The following CDH12 variants were observed in gnomAD, a reference collection of about 807,000 sequenced individuals.
The protein encoded by CDH12 is cadherin 12, also known as cadherin-12.
Under a neutral mutation model 74.1 loss-of-function variants are expected in CDH12, and 41 were observed. The ratio of observed to expected loss-of-function variants is 0.55; its 90% CI spans 0.43 to 0.72. The LOEUF (loss-of-function observed/expected upper bound fraction) is 0.72. Among genes scored for constraint, CDH12 ranks in the 30% least tolerant of loss-of-function variants. The pLI is 0.00. For synonymous variants in CDH12, 399 were observed against 355.0 expected (o/e 1.12, Z -1.39); for missense variants, 945 against 977.2 (o/e 0.97, Z 0.44).
rs1744085108 is a variant in CDH12 at position 21,751,801 on chromosome 5, C to T, written c.2321G>A (p.Arg774His). The T allele has an allele frequency of 2.5e-6, 4 of 1,613,844 alleles. No individual in the cohort carries two copies. Among genetic ancestry groups the T allele is most frequent in the East Asian group, 2.2e-5 (1 of 44,880 alleles). Residue 774 changes from arginine to histidine, a missense_variant, in exon 15 of 15, where the codon CGC becomes CAC. Transcript: ENST00000382254. Reference sequence around the variant, plus strand: ...AAACATGTCTGCCAAGACTTTAAAGCGGGGTCCCCAGTCTGTCAGATAGTC... The same window carrying T: ...AAACATGTCTGCCAAGACTTTAAAGTGGGGTCCCCAGTCTGTCAGATAGTC... Reference protein sequence around the residue: ...DYDYLTDWGPRFKVLADMFGE... With the variant: ...DYDYLTDWGPHFKVLADMFGE...
intron 4 of CDH12, among the ~76,000 whole-genome samples, chr5:22,140,917 A>G (rs867666111): frequency 1.3e-5 from 2 of 152,192 alleles, no homozygotes; most frequent in African/African-American, 4.8e-5. Flanking sequence ...GGTCCTTCAC[A>G]GAGCCAACTC....
intron 1 of CDH12, among the ~76,000 whole-genome samples, chr5:22,535,433 G>A (rs967368747): frequency 5.3e-5 from 8 of 152,132 alleles, no homozygotes; most frequent in African/African-American, 1.4e-4. Flanking sequence ...TGGGATTACA[G>A]GCGTGAGCCA....
At chr5:22,387,632 C>T (rs1051919282) in intron 3 of CDH12, among the ~76,000 whole-genome samples, 11 of 152,102 alleles carry the variant, frequency 7.2e-5, no homozygotes, top group African/African-American at 2.4e-4. Context: ...TAAAGTGGTA[C>T]CTGCCTCAGA....
chr5:22,034,452 C>T (rs917128832), intron 5 of CDH12, among the ~76,000 whole-genome samples: 1 of 152,126 alleles, frequency 6.6e-6, no homozygotes, highest in Non-Finnish European at 1.5e-5. Context: ...AAGGAAAAAA[C>T]ATATGATGCA....
At chr5:22,644,109 A>C (rs1191585368) in intron 1 of CDH12, among the ~76,000 whole-genome samples, 1 of 151,994 alleles carries the variant, frequency 6.6e-6, no homozygotes, top group Non-Finnish European at 1.5e-5. Context: ...AGCAATACTG[A>C]AATTGAGCCA....
At chr5:22,331,576 G>T (rs1011038438) in intron 3 of CDH12, among the ~76,000 whole-genome samples, 2 of 152,110 alleles carry the variant, frequency 1.3e-5, no homozygotes, top group Non-Finnish European at 2.9e-5. Flanking sequence ...GCACAAATAA[G>T]CCCAGGATGT....
chr5:22,447,985 T>TACAAA (rs1554041415), intron 2 of CDH12, among the ~76,000 whole-genome samples: 1 of 84,496 alleles, frequency 1.2e-5, no homozygotes, highest in Non-Finnish European at 2.1e-5. Context: ...TACAAGAAAT[T>TACAAA]AAAAAAAAAA....
intron 3 of CDH12, among the ~76,000 whole-genome samples, chr5:22,282,154 C>A (rs1210954248): frequency 4.0e-5 from 6 of 150,766 alleles, no homozygotes; most frequent in Admixed American, 1.3e-4. Context: ...GGAAAGGATT[C>A]TTTAATAAAT....
At chr5:22,748,045 AC>A (rs1412424851) in intron 1 of CDH12, among the ~76,000 whole-genome samples, 2 of 152,232 alleles carry the variant, frequency 1.3e-5, no homozygotes, top group Non-Finnish European at 2.9e-5. Context: ...GATGTTTGCC[AC>A]TGAGATGGCT....
intron 1 of CDH12, among the ~76,000 whole-genome samples, chr5:22,840,543 G>T (rs2126521090): frequency 6.7e-6 from 1 of 150,004 alleles, no homozygotes; most frequent in Admixed American, 6.7e-5. Flanking sequence ...AATATGCTAT[G>T]TTATTATATA....
chr5:22,638,427 C>A (rs1053530075), intron 1 of CDH12, among the ~76,000 whole-genome samples: 1 of 152,090 alleles, frequency 6.6e-6, no homozygotes, highest in Non-Finnish European at 1.5e-5. Context: ...GCATCCAGCA[C>A]GGGAGAAAGA....
intron 1 of CDH12, among the ~76,000 whole-genome samples, chr5:22,705,220 T>A (rs997250441): frequency 6.6e-6 from 1 of 150,692 alleles, no homozygotes; most frequent in African/African-American, 2.4e-5. Context: ...GTAACTTACA[T>A]TTCCTCAAAA....
intron 1 of CDH12, among the ~76,000 whole-genome samples, chr5:22,706,473 G>T (rs950031919): frequency 1.3e-5 from 2 of 151,330 alleles, no homozygotes; most frequent in African/African-American, 2.4e-5. Context: ...TGAATGTTTT[G>T]GTATGTTACA....
chr5:22,232,906 T>A (rs1234044852), intron 3 of CDH12, among the ~76,000 whole-genome samples: 2 of 148,924 alleles, frequency 1.3e-5, no homozygotes, highest in East Asian at 1.9e-4. Context: ...CTATATATAT[T>A]TTTTCTCTCT....
At chr5:22,116,621 A>C (rs1264260580) in intron 4 of CDH12, among the ~76,000 whole-genome samples, 2 of 151,694 alleles carry the variant, frequency 1.3e-5, no homozygotes, top group African/African-American at 4.8e-5. Context: ...AAAAAAAAAA[A>C]CAATCCAAGC....
chr5:21,794,209 G>C lies in CDH12; in HGVS notation c.1256+7958C>G, dbSNP rs1746654612. On this transcript the variant is annotated intron_variant, in intron 10 of 14. Transcript: ENST00000382254. ...ATGAACTTTATGGGGATTAACCTCT[G>C]TTGGCAAATTGTAGTCCAGTTGATC... Among the ~76,000 whole-genome samples the C allele has an allele frequency of 2.0e-5, 3 of 151,552 alleles. No individual in the cohort carries two copies. The South Asian group carries it at 6.2e-4, about 31-fold the overall frequency.
chr5:21,853,198 C>G (rs1750566146), intron 7 of CDH12, among the ~76,000 whole-genome samples: 1 of 151,370 alleles, frequency 6.6e-6, no homozygotes, highest in East Asian at 1.9e-4. Flanking sequence ...ATCTTTACTG[C>G]CATATTTCTT....
At chr5:22,027,821 C>T (rs1306773560) in intron 5 of CDH12, among the ~76,000 whole-genome samples, 1 of 151,942 alleles carries the variant, frequency 6.6e-6, no homozygotes, top group Non-Finnish European at 1.5e-5. Context: ...TCCTTCAGTT[C>T]TGCTCTGATT....
chr5:21,969,679 A>G (rs1167286218), intron 6 of CDH12, among the ~76,000 whole-genome samples: 1 of 152,214 alleles, frequency 6.6e-6, no homozygotes, highest in Admixed American at 6.5e-5. Flanking sequence ...GGTACTCAAT[A>G]GAGCCATTCC....
Sources: allele counts gnomAD v4.1 joint callset (sites outside exome capture counted in the v4.1 genomes callset), GRCh38; gene constraint gnomAD v4.1.1; transcripts MANE v1.5; gene names NCBI Gene and HGNC (gene_info 2026-07-23, HGNC 2026-07-21).